Variants in FRAS1 observed in about 807,000 individuals in gnomAD.
FRAS1 encodes the protein extracellular matrix organizing protein FRAS1.
Under a neutral mutation model 435.2 loss-of-function variants are expected in FRAS1, and 290 were observed. That is an observed-to-expected ratio of 0.67 (90% CI 0.61 to 0.73). The LOEUF (loss-of-function observed/expected upper bound fraction) is 0.73, where lower values mean the gene tolerates loss of function less well. Among genes scored for constraint, FRAS1 ranks in the 30% least tolerant of loss-of-function variants. The pLI, the probability that FRAS1 is intolerant of heterozygous loss-of-function variation, is 0.00. For synonymous variants in FRAS1, 1,800 were observed against 1,851.0 expected, an observed-to-expected ratio of 0.97 and a Z score of 0.71; for missense variants, 4,860 against 5,001.5, an observed-to-expected ratio of 0.97 and a Z score of 0.85.
At chr4:78,443,691 G>A (rs983113304) in intron 41 of FRAS1, among the ~76,000 whole-genome samples, 19 of 152,216 alleles carry the variant, frequency 1.2e-4, no homozygotes, top group African/African-American at 4.6e-4. Context: ...TAATAAGAAT[G>A]ATTTATGTCA....
intron 72 of FRAS1, 74 bp from the exon 73 acceptor site, chr4:78,539,220 C>A: frequency 6.9e-7 from 1 of 1,459,698 alleles, no homozygotes; most frequent in Non-Finnish European, 9.4e-7. Flanking sequence ...CTTTTCTCCT[C>A]CCAGTCACTG....
rs1282242179 is a variant in FRAS1, at chr4:78,407,667, G to T, written c.4134G>T (p.Glu1378Asp). 2 of 1,611,038 alleles carry T rather than the reference G, an allele frequency of 1.2e-6. No individual in the cohort carries two copies. The highest frequency in any genetic ancestry group is 8.5e-7 in the Non-Finnish European group (1 of 1,178,574). The change falls in exon 31 of 74, where the codon GAG becomes GAT. Residue 1378 changes from glutamate to aspartate, a missense_variant. By Grantham distance (45) the Glu-to-Asp change is conservative (BLOSUM62 2). Coordinates refer to ENST00000512123, the MANE Select transcript of FRAS1 (RefSeq NM_025074.7). ...KITQDYPQFG[E>D]VVLLVNMPAD... ...ATGTGGCCTGTGCCTTCCTAGGGGA[G>T]GTGGTCCTTCTAGTGAATATGCCTG...
chr4:78,232,265 A>G, intron 2 of FRAS1, among the ~76,000 whole-genome samples: 1 of 152,016 alleles, frequency 6.6e-6, no homozygotes, highest in East Asian at 1.9e-4. Context: ...ATTTAGTTCC[A>G]TAGAGATATT....
At chr4:78,367,844 A>G (rs1731338217) in intron 22 of FRAS1, among the ~76,000 whole-genome samples, 1 of 152,136 alleles carries the variant, frequency 6.6e-6, no homozygotes, top group African/African-American at 2.4e-5. Context: ...TGTTTTCTAT[A>G]TAGGTGCATG....
rs1392288795 is a variant in FRAS1, at chr4:78,372,737, T to C, written c.2889T>C (p.Ser963=). The change falls in exon 24 of 74, where the codon AGT becomes AGC. Residue 963 remains serine, a synonymous_variant. Coordinates refer to ENST00000512123, the MANE Select transcript of FRAS1 (RefSeq NM_025074.7). ...TTTTAGAGTGTGATTGGAGCTGCAG[T>C]GCATGCAGTGGGCCCCTGAAAACAG... ...NTCKECDWSC[S]ACSGPLKTDC... 2 of 1,612,772 alleles carry C rather than the reference T, an allele frequency of 1.2e-6. No homozygotes were observed. The highest frequency in any genetic ancestry group is 1.7e-5 in the Admixed American group (1 of 60,022).
rs932738700 is a variant in FRAS1 at position 78,456,314 on chromosome 4, C to T, written c.6763+3960C>T. 3.5e-4 allele frequency among the ~76,000 whole-genome samples: 53 copies of T among 151,842 alleles called. 1 individual carries two copies. Among genetic ancestry groups the T allele is most frequent in the Non-Finnish European group, 2.1e-4 (14 of 67,936 alleles). ...CACACCCCCACACCTGGCTCAATTT[C>T]GTATTTTTAGTAGAGACAGGGTTTC... On this transcript the variant is annotated intron_variant, in intron 47 of 73. Coordinates refer to ENST00000512123, the MANE Select transcript of FRAS1 (RefSeq NM_025074.7).
At chr4:78,150,579 G>A (rs11930257) in intron 2 of FRAS1, among the ~76,000 whole-genome samples, 2 of 152,116 alleles carry the variant, frequency 1.3e-5, no homozygotes, top group Non-Finnish European at 2.9e-5. Flanking sequence ...CTGTTTAAAA[G>A]GGCCTGCTTT....
intron 61 of FRAS1, 110 bp downstream of exon 61, chr4:78,500,031 A>G: frequency 1.2e-6 from 1 of 831,232 alleles, no homozygotes; most frequent in Non-Finnish European, 1.8e-6. Flanking sequence ...CAGTAGTTCC[A>G]ATAGCTAAAG....
At chr4:78,471,964 G>A (rs1052181362) in intron 51 of FRAS1, among the ~76,000 whole-genome samples, 3 of 152,072 alleles carry the variant, frequency 2.0e-5, no homozygotes, top group Non-Finnish European at 2.9e-5. Flanking sequence ...CATTGACCTT[G>A]TGCATGAGCC....
chr4:78,181,612 C>G (rs570488321), intron 2 of FRAS1: 48 of 1,610,862 alleles, frequency 3.0e-5, no homozygotes, highest in Non-Finnish European at 3.8e-5. Context: ...CTCCTTCACC[C>G]TTTTCTTCAA....
chr4:78,426,953 T>G (rs1734018683), intron 35 of FRAS1, among the ~76,000 whole-genome samples: 1 of 152,176 alleles, frequency 6.6e-6, no homozygotes, highest in African/African-American at 2.4e-5. Context: ...TGACCAAAGC[T>G]CTTTAATTTT....
chr4:78,141,968 C>A (rs565945949), intron 2 of FRAS1, among the ~76,000 whole-genome samples: 1 of 152,100 alleles, frequency 6.6e-6, no homozygotes, highest in African/African-American at 2.4e-5. Context: ...ATACAATGGA[C>A]TTTGGGGACT....
intron 14 of FRAS1, among the ~76,000 whole-genome samples, chr4:78,286,941 A>G (rs968809390): frequency 6.6e-6 from 1 of 152,192 alleles, no homozygotes; most frequent in African/African-American, 2.4e-5. Context: ...AAATGTCTAA[A>G]TAATTTTTTT....
In FRAS1 at chr4:78,429,142, T is replaced by C. The variant is rs1239016979; in HGVS notation, c.4759T>C (p.Leu1587=). Residue 1587 remains leucine, a synonymous_variant, in exon 36 of 74, where the codon TTA becomes CTA. Coordinates refer to ENST00000512123, the MANE Select transcript of FRAS1 (RefSeq NM_025074.7). ...TSPEMVLTIH[L]LPSDQQLPVF... is the part of the protein sequence containing the mutation. ...TCCGGAGATGGTCCTCACCATTCAC[T>C]TACTTCCCAGTGATCAGCAACTGCC... 1 of 1,582,686 alleles carries C rather than the reference T, an allele frequency of 6.3e-7. No homozygotes were observed. The highest frequency in any genetic ancestry group is 2.3e-5 in the East Asian group (1 of 43,344).
intron 14 of FRAS1, 139 bp downstream of exon 14, chr4:78,286,678 G>T: frequency 1.3e-6 from 1 of 763,208 alleles, no homozygotes. Flanking sequence ...GACTTCTGAT[G>T]GGATGAGGAG....
intron 1 of FRAS1, among the ~76,000 whole-genome samples, chr4:78,060,635 C>T (rs1355221888): frequency 1.3e-5 from 2 of 152,140 alleles, no homozygotes; most frequent in African/African-American, 4.8e-5. Flanking sequence ...TTGAATTAAG[C>T]TTAACTGGTG....
At chr4:78,411,980 T>C (rs1733357327) in intron 31 of FRAS1, among the ~76,000 whole-genome samples, 2 of 152,178 alleles carry the variant, frequency 1.3e-5, no homozygotes, top group African/African-American at 4.8e-5. Context: ...ACTCTGTGGA[T>C]ACTAAGTAAG....
At chr4:78,274,725 TACTTCCA>T (rs1263377964) in intron 9 of FRAS1, among the ~76,000 whole-genome samples, 1 of 152,266 alleles carries the variant, frequency 6.6e-6, no homozygotes, top group Non-Finnish European at 1.5e-5. Context: ...ATGAGTGCTT[TACTTCCA>T]ACTATGTGGT....
chr4:78,193,343 G>A (rs1320130342), intron 2 of FRAS1, among the ~76,000 whole-genome samples: 4 of 152,152 alleles, frequency 2.6e-5, no homozygotes, highest in African/African-American at 4.8e-5. Context: ...TTTCTGTCTC[G>A]TTGATCTGTC....
Sources: gnomAD v4.1 joint callset for allele counts (sites outside exome capture counted in the v4.1 genomes callset) on GRCh38, gnomAD v4.1.1 for gene constraint, MANE v1.5 for transcripts, NCBI Gene and HGNC (gene_info 2026-07-23, HGNC 2026-07-21) for gene names.